Variants in SLC44A5 observed in about 807,000 individuals in gnomAD.
SLC44A5 encodes solute carrier family 44 member 5.
Under a neutral mutation model 101.8 loss-of-function variants are expected in SLC44A5, and 57 were observed. That is an observed-to-expected ratio of 0.56 (90% CI 0.45 to 0.70). SLC44A5 has a LOEUF of 0.70. Ranked by LOEUF, SLC44A5 falls within the 30% of genes least tolerant of loss-of-function variation. The pLI is 0.00. For missense variants in SLC44A5, 737 were observed against 853.1 expected (o/e 0.86, Z 1.70); for synonymous variants, 281 against 290.9 (o/e 0.97, Z 0.35).
In SLC44A5 at chr1:75,280,205, A is replaced by C. The variant is rs1272773792; in HGVS notation, c.176-5163T>G. Among the ~76,000 whole-genome samples the C allele has an allele frequency of 4.1e-4, 11 of 26,874 alleles. 4 individuals carry two copies. Among genetic ancestry groups the C allele is most frequent in the Admixed American group, 7.9e-4 (1 of 1,266 alleles). The allele number at this position is 26,874 out of a possible 152,430, so 17.6% of individuals were successfully genotyped here. A position where few individuals can be genotyped will look rare whatever the true frequency, so the allele number is the denominator to read the frequency against. On this transcript the variant is annotated intron_variant, in intron 5 of 23. Transcript: ENST00000370859. ...ATTGTATATATTATATATTGTATAT[A>C]TAATATATATTGTATATATTATATA...
intron 2 of SLC44A5, among the ~76,000 whole-genome samples, chr1:75,407,792 T>C (rs765473838): frequency 2.4e-4 from 36 of 152,164 alleles, no homozygotes; most frequent in Non-Finnish European, 4.3e-4. Context: ...ATTCAGGACA[T>C]AGGCATGGGC....
At chr1:75,272,599 C>T (rs1651578147) in intron 6 of SLC44A5, among the ~76,000 whole-genome samples, 1 of 152,032 alleles carries the variant, frequency 6.6e-6, no homozygotes, top group Admixed American at 6.6e-5. Flanking sequence ...TTTCATTATT[C>T]TACATGTGGC....
intron 2 of SLC44A5, among the ~76,000 whole-genome samples, chr1:75,424,793 C>T (rs1242384507): frequency 6.6e-6 from 1 of 151,970 alleles, no homozygotes; most frequent in African/African-American, 2.4e-5. Context: ...TTGCAAGGAA[C>T]AGGATTTACG....
intron 2 of SLC44A5, among the ~76,000 whole-genome samples, chr1:75,421,472 T>A (rs1664000648): frequency 6.6e-6 from 1 of 152,172 alleles, no homozygotes; most frequent in Non-Finnish European, 1.5e-5. Flanking sequence ...GTTAATCCTC[T>A]TATTTTATTT....
the SLC44A5 span, among the ~76,000 whole-genome samples, chr1:75,681,068 G>T: frequency 9.9e-5 from 15 of 151,400 alleles, no homozygotes; most frequent in African/African-American, 3.6e-4. Context: ...CCAGGAAGAA[G>T]TTGAATCTCT....
chr1:75,655,605 G>A, the SLC44A5 span, among the ~76,000 whole-genome samples: 5,350 of 152,200 alleles, frequency 0.035, 327 homozygotes, highest in African/African-American at 0.12. Flanking sequence ...GAGTGCCTGT[G>A]TTGCCAGCAC....
chr1:75,565,662 G>A (rs1557913608), intron 1 of SLC44A5, among the ~76,000 whole-genome samples: 1 of 152,132 alleles, frequency 6.6e-6, no homozygotes, highest in Non-Finnish European at 1.5e-5. Context: ...ATCAGAGCCA[G>A]GTTCAAGTCC....
At chr1:75,277,098 T>C (rs1356739753) in intron 5 of SLC44A5, among the ~76,000 whole-genome samples, 1 of 152,154 alleles carries the variant, frequency 6.6e-6, no homozygotes, top group Non-Finnish European at 1.5e-5. Flanking sequence ...TGTGAATTTA[T>C]GTTAGAGTTC....
the SLC44A5 span, among the ~76,000 whole-genome samples, chr1:75,634,234 C>A: frequency 2.0e-5 from 3 of 152,070 alleles, no homozygotes; most frequent in Admixed American, 6.6e-5. Context: ...TGCTGGCCTC[C>A]TCAAATGAGT....
chr1:75,579,025 A>T (rs1332626661), intron 1 of SLC44A5, among the ~76,000 whole-genome samples: 8 of 152,198 alleles, frequency 5.3e-5, no homozygotes, highest in Admixed American at 5.2e-4. Flanking sequence ...CAAATCAATA[A>T]TAGTAATATG....
chr1:75,679,332 G>A, the SLC44A5 span, among the ~76,000 whole-genome samples: 2 of 152,138 alleles, frequency 1.3e-5, no homozygotes, highest in African/African-American at 2.4e-5. Flanking sequence ...AAGTTGAAAT[G>A]AAGGAAAAAA....
the SLC44A5 span, among the ~76,000 whole-genome samples, chr1:75,657,517 C>T: frequency 6.7e-6 from 1 of 149,668 alleles, no homozygotes; most frequent in Non-Finnish European, 1.5e-5. Flanking sequence ...CATTGCACTC[C>T]AGCCTGAGTG....
At chr1:75,718,559 G>T in the SLC44A5 span, among the ~76,000 whole-genome samples, 1 of 152,142 alleles carries the variant, frequency 6.6e-6, no homozygotes, top group Non-Finnish European at 1.5e-5. Context: ...ACACTCTAAC[G>T]GGGATAGCAG....
the SLC44A5 span, among the ~76,000 whole-genome samples, chr1:75,718,876 A>G: frequency 1.3e-5 from 2 of 152,202 alleles, no homozygotes; most frequent in Non-Finnish European, 2.9e-5. Context: ...TATTTTTGTA[A>G]GCAAAATTTG....
At chr1:75,386,360 G>A (rs868335617) in intron 3 of SLC44A5, among the ~76,000 whole-genome samples, 93 of 152,116 alleles carry the variant, frequency 6.1e-4, no homozygotes, top group Admixed American at 3.9e-4. Context: ...CTTCAGCAAA[G>A]TCTCAGGATA....
chr1:75,645,255 T>C, the SLC44A5 span, among the ~76,000 whole-genome samples: 17 of 152,292 alleles, frequency 1.1e-4, no homozygotes, highest in East Asian at 3.1e-3. Flanking sequence ...AGTGTAAAAG[T>C]GTTCCTGTTT....
intron 1 of SLC44A5, among the ~76,000 whole-genome samples, chr1:75,552,360 G>A (rs1443324139): frequency 2.6e-5 from 4 of 151,866 alleles, no homozygotes; most frequent in Non-Finnish European, 5.9e-5. Flanking sequence ...CCTATATTTG[G>A]TTCACAAATC....
chr1:75,708,380 C>T, the SLC44A5 span, among the ~76,000 whole-genome samples: 2 of 132,708 alleles, frequency 1.5e-5, no homozygotes, highest in Admixed American at 8.3e-5. Flanking sequence ...CGCCACTGCA[C>T]TCCAGCCTGT....
At chr1:75,331,121 A>G (rs1214997849) in intron 4 of SLC44A5, among the ~76,000 whole-genome samples, 1 of 151,710 alleles carries the variant, frequency 6.6e-6, no homozygotes, top group Non-Finnish European at 1.5e-5. Flanking sequence ...CCTCTCCTCC[A>G]TCCTCCTAAG....
Sources: allele counts gnomAD v4.1 joint callset (sites outside exome capture counted in the v4.1 genomes callset), GRCh38; gene constraint gnomAD v4.1.1; transcripts MANE v1.5; gene names NCBI Gene and HGNC (gene_info 2026-07-23, HGNC 2026-07-21).